CUL4A: variants seen among roughly 807,000 people sequenced by gnomAD.
The protein encoded by CUL4A is cullin 4A, also known as cullin-4A.
A neutral mutation model predicts 95.5 loss-of-function variants in CUL4A; 16 were observed. The ratio of observed to expected loss-of-function variants is 0.17; its 90% CI spans 0.11 to 0.25. The LOEUF (loss-of-function observed/expected upper bound fraction) is 0.25. Among genes scored for constraint, CUL4A ranks in the 10% least tolerant of loss-of-function variants. The pLI is 1.00. For missense variants in CUL4A, 610 were observed against 937.0 expected (o/e 0.65, Z 4.56); for synonymous variants, 380 against 353.1 (o/e 1.08, Z -0.85).
rs201177759 is a variant in CUL4A at position 113,263,488 on chromosome 13, C to T, written c.2186C>T (p.Pro729Leu). The change falls in exon 20 of 20, where the codon CCT becomes CTT. Residue 729 changes from proline to leucine, a missense_variant and splice_region_variant. Coordinates refer to ENST00000375440, the MANE Select transcript of CUL4A (RefSeq NM_001008895.4). ...LYNQLKFPVKPGDLKKRIESL... is the reference protein window; with the variant it reads ...LYNQLKFPVKLGDLKKRIESL... ...GGGGGTTTTATTCTTCTTTTTTAGC[C>T]TGGAGATTTGAAAAAGAGAATTGAA... 1.3e-5 allele frequency: 21 copies of T among 1,589,708 alleles called. No homozygotes were observed. In the Admixed American group the frequency reaches 2.9e-4, roughly 22 times the overall value.
intron 10 of CUL4A, among the ~76,000 whole-genome samples, chr13:113,241,227 A>T (rs1424659755): frequency 6.6e-6 from 1 of 152,228 alleles, no homozygotes; most frequent in Non-Finnish European, 1.5e-5. Flanking sequence ...TGTGCTAAAA[A>T]CTAGGAAAAG....
intron 3 of CUL4A, among the ~76,000 whole-genome samples, chr13:113,223,370 C>T (rs1014515542): frequency 6.6e-6 from 1 of 152,060 alleles, no homozygotes; most frequent in Non-Finnish European, 1.5e-5. Context: ...AGTAACTCTA[C>T]TTTCTAAGAT....
At chr13:113,213,757 A>G (rs1055156423) in intron 2 of CUL4A, among the ~76,000 whole-genome samples, 3 of 152,194 alleles carry the variant, frequency 2.0e-5, no homozygotes, top group African/African-American at 7.2e-5. Flanking sequence ...CCCCAAAATG[A>G]CAGTCACTGG....
chr13:113,209,073 C>T (rs1385849497), upstream of CUL4A: 1 of 212,078 alleles, frequency 4.7e-6, no homozygotes, highest in Non-Finnish European at 8.0e-6. Context: ...CGCGCGCTCC[C>T]GAGCTCTCAT....
At chr13:113,229,154 A>T (rs1277336593) in intron 4 of CUL4A, among the ~76,000 whole-genome samples, 1 of 152,164 alleles carries the variant, frequency 6.6e-6, no homozygotes, top group Non-Finnish European at 1.5e-5. Context: ...AATTTAAAAG[A>T]TATCCTTTAG....
Position 113,240,366 on chromosome 13 carries a change from C to G in CUL4A, c.1035+815C>G, listed in dbSNP as rs547628374. 2.0e-5 allele frequency among the ~76,000 whole-genome samples: 3 copies of G among 152,352 alleles called. No homozygotes were observed. In the South Asian group the frequency reaches 6.2e-4, roughly 32 times the overall value. ...CCCAGCCCAAGAAACCTGCTGAAGA[C>G]CCTCTAATGAGAAGCCATTCTCCAG... On this transcript the variant is annotated intron_variant, in intron 10 of 19. Coordinates refer to ENST00000375440, the MANE Select transcript of CUL4A (RefSeq NM_001008895.4).
intron 3 of CUL4A, among the ~76,000 whole-genome samples, chr13:113,226,792 A>G (rs1476893123): frequency 6.6e-6 from 1 of 152,202 alleles, no homozygotes; most frequent in Admixed American, 6.5e-5. Context: ...TGGGAGACTG[A>G]GGAGGATTAC....
chr13:113,233,658 C>A (rs1203949919), intron 6 of CUL4A, among the ~76,000 whole-genome samples: 1 of 152,138 alleles, frequency 6.6e-6, no homozygotes, highest in East Asian at 1.9e-4. Context: ...GCAACACACA[C>A]AAAAGACAAA....
At chr13:113,252,125 C>T (rs903653774) in intron 15 of CUL4A, among the ~76,000 whole-genome samples, 2 of 152,136 alleles carry the variant, frequency 1.3e-5, no homozygotes, top group African/African-American at 4.8e-5. Context: ...ACAGCCTGCC[C>T]CTGAGAGGCA....
At chr13:113,232,800 G>A (rs553556869) in intron 5 of CUL4A, among the ~76,000 whole-genome samples, 81 of 152,240 alleles carry the variant, frequency 5.3e-4, no homozygotes, top group Middle Eastern at 3.4e-3. Flanking sequence ...TGTTGGAGAC[G>A]GTGGCGGGAG....
intron 5 of CUL4A, among the ~76,000 whole-genome samples, chr13:113,232,349 C>A (rs1251480193): frequency 6.6e-6 from 1 of 152,012 alleles, no homozygotes; most frequent in Non-Finnish European, 1.5e-5. Context: ...TCACCGCCAC[C>A]ACCGCTATTA....
At chr13:113,232,243 CATTACTGCTGCCACCACT>C (rs2041369176) in intron 5 of CUL4A, among the ~76,000 whole-genome samples, 1 of 9,428 alleles carries the variant, frequency 1.1e-4, no homozygotes, top group Admixed American at 1.2e-3. Context: ...CGCCCACCAC[CATTACTGCTGCCACCACT>C]ACCCGCCCAC....
intron 18 of CUL4A, among the ~76,000 whole-genome samples, chr13:113,256,926 G>GTTTTTTTTTTTTGT (rs2042138250): frequency 2.1e-5 from 1 of 47,372 alleles, no homozygotes; most frequent in Non-Finnish European, 3.6e-5. Context: ...TTTTTTTTTC[G>GTTTTTTTTTTTTGT]TTTTTTTTTT....
intron 7 of CUL4A, among the ~76,000 whole-genome samples, 184 bp from the exon 8 acceptor site, chr13:113,234,879 C>G (rs2041486774): frequency 6.6e-6 from 1 of 152,202 alleles, no homozygotes. Flanking sequence ...AGCGTCCTTT[C>G]TCCATGTCCC....
At chr13:113,214,462 G>A (rs2040569931) in intron 2 of CUL4A, among the ~76,000 whole-genome samples, 1 of 152,104 alleles carries the variant, frequency 6.6e-6, no homozygotes, top group Non-Finnish European at 1.5e-5. Flanking sequence ...GCTGTGTTTT[G>A]ATTTAGAACT....
chr13:113,225,965 C>T (rs960701647), intron 3 of CUL4A, among the ~76,000 whole-genome samples: 1 of 152,162 alleles, frequency 6.6e-6, no homozygotes, highest in African/African-American at 2.4e-5. Context: ...TCTGCAAAGC[C>T]TCAAGAAAAA....
chr13:113,224,551 G>T (rs1008258348), intron 3 of CUL4A, among the ~76,000 whole-genome samples: 2 of 152,244 alleles, frequency 1.3e-5, no homozygotes, highest in African/African-American at 4.8e-5. Flanking sequence ...GGGAACCTTG[G>T]CTGTTGGGGA....
At chr13:113,224,210 G>A (rs367893450) in intron 3 of CUL4A, among the ~76,000 whole-genome samples, 9 of 152,110 alleles carry the variant, frequency 5.9e-5, no homozygotes, top group East Asian at 5.8e-4. Flanking sequence ...AAAATTAGCC[G>A]GGCGTGGTGG....
At chr13:113,238,503 T>C (rs556158144) in intron 9 of CUL4A, among the ~76,000 whole-genome samples, 1 of 152,266 alleles carries the variant, frequency 6.6e-6, no homozygotes, top group South Asian at 2.1e-4. Flanking sequence ...GTGCATACTT[T>C]GTTAAGCAAA....
Sources: allele counts gnomAD v4.1 joint callset (sites outside exome capture counted in the v4.1 genomes callset), GRCh38; gene constraint gnomAD v4.1.1; transcripts MANE v1.5; gene names NCBI Gene and HGNC (gene_info 2026-07-23, HGNC 2026-07-21).